Variants in SLC5A8 observed in about 807,000 individuals in gnomAD.
SLC5A8 encodes sodium-coupled monocarboxylate transporter 1.
SLC5A8 carries 55 observed loss-of-function variants against 71.9 expected under a neutral mutation model. The observed-to-expected ratio is 0.77, with a 90% CI of 0.62 to 0.96. The LOEUF is 0.96. Ranked by LOEUF, SLC5A8 falls within the 40% of genes least tolerant of loss-of-function variation. SLC5A8 has a pLI of 0.00. For synonymous variants in SLC5A8, 307 were observed against 276.1 expected, an observed-to-expected ratio of 1.11 and a Z score of -1.11; for missense variants, 701 against 745.3, an observed-to-expected ratio of 0.94 and a Z score of 0.69.
intron 9 of SLC5A8, 66 bp downstream of exon 9, chr12:101,182,737 G>T: frequency 8.5e-7 from 1 of 1,178,122 alleles, no homozygotes; most frequent in Non-Finnish European, 1.2e-6. Flanking sequence ...CAGTGGAAAA[G>T]AAATTTTTGT....
At position 101,158,951 on chromosome 12, in the gene SLC5A8, CA is replaced by C. The variant is rs34838052; in HGVS notation, c.1631-624del. Among the ~76,000 whole-genome samples, 331 of 116,654 alleles carry C rather than the reference CA, an allele frequency of 2.8e-3. 3 individuals carry two copies. Among genetic ancestry groups the C allele is most frequent in the East Asian group, 6.1e-3 (27 of 4,400 alleles). 76.5% of individuals were successfully genotyped at this position (116,654 alleles called of 152,430 possible). On this transcript the variant is annotated intron_variant, in intron 13 of 14. Coordinates refer to ENST00000536262, the MANE Select transcript of SLC5A8 (RefSeq NM_145913.5). Reference sequence around the variant, plus strand: ...ATCCTCTTCCCTAAGGTTTTCTTTACAAAAAAAAAAAAAAAAATTCTATTTT... The same window carrying C: ...ATCCTCTTCCCTAAGGTTTTCTTTACAAAAAAAAAAAAAAAATTCTATTTT...
intron 10 of SLC5A8, among the ~76,000 whole-genome samples, chr12:101,174,583 C>T (rs1023085200): frequency 3.3e-5 from 5 of 152,196 alleles, no homozygotes; most frequent in African/African-American, 1.2e-4. Flanking sequence ...TTTATGAAAG[C>T]TGCATCTGTG....
chr12:101,204,399 C>T, intron 2 of SLC5A8, 101 bp downstream of exon 2: 2 of 1,023,748 alleles, frequency 2.0e-6, no homozygotes, highest in Non-Finnish European at 2.9e-6. Flanking sequence ...TTCAACATCT[C>T]TTTTTTGTCT....
chr12:101,195,981 C>G (rs1342942081), intron 3 of SLC5A8, among the ~76,000 whole-genome samples: 1 of 152,116 alleles, frequency 6.6e-6, no homozygotes, highest in East Asian at 1.9e-4. Flanking sequence ...AAGCGTGAGC[C>G]ACCGCGCCTG....
chr12:101,178,113 T>C (rs575694489), intron 10 of SLC5A8, among the ~76,000 whole-genome samples: 110 of 152,110 alleles, frequency 7.2e-4, no homozygotes, highest in Non-Finnish European at 1.3e-3. Flanking sequence ...CATTTTAGCA[T>C]TGAACACATA....
intron 10 of SLC5A8, among the ~76,000 whole-genome samples, chr12:101,176,740 G>A (rs1056312621): frequency 1.3e-5 from 2 of 152,176 alleles, no homozygotes; most frequent in Middle Eastern, 3.4e-3. Context: ...TCAGCTGAAT[G>A]TAAACAAACA....
intron 13 of SLC5A8, among the ~76,000 whole-genome samples, chr12:101,158,590 CTCTCTCTCTA>C (rs1203559845): frequency 0.015 from 468 of 31,296 alleles, 1 homozygote; most frequent in Admixed American, 0.021. Flanking sequence ...CTCTCTCTCT[CTCTCTCTCTA>C]TATATATATA....
In SLC5A8 at chr12:101,156,584, T is replaced by C. The variant is rs1007960349; in HGVS notation, c.*695A>G. ...GGGCATGCAGATAAAAATTACAGTC[T>C]AAGAAAGGCAGTATCAGCAGCCAAA... On this transcript the variant is annotated 3_prime_UTR_variant, in exon 15 of 15. Coordinates refer to ENST00000536262, the MANE Select transcript of SLC5A8 (RefSeq NM_145913.5). 1 of 152,084 alleles carries C rather than the reference T, an allele frequency of 6.6e-6. No homozygotes were observed. Among genetic ancestry groups the C allele is most frequent in the Non-Finnish European group, 1.5e-5 (1 of 68,048 alleles). 9.4% of individuals were successfully genotyped at this position (152,084 alleles called of 1,614,324 possible).
intron 2 of SLC5A8, among the ~76,000 whole-genome samples, chr12:101,202,623 A>G (rs1008193202): frequency 6.6e-6 from 1 of 152,112 alleles, no homozygotes; most frequent in Non-Finnish European, 1.5e-5. Flanking sequence ...TGCATAATTA[A>G]TCAAGAAAAT....
chr12:101,176,459 C>T (rs578116865), intron 10 of SLC5A8, among the ~76,000 whole-genome samples: 1 of 152,000 alleles, frequency 6.6e-6, no homozygotes, highest in Non-Finnish European at 1.5e-5. Context: ...ATTTATGGAA[C>T]ACTCTACCTA....
At chr12:101,172,244 G>T (rs1214900349) in intron 10 of SLC5A8, among the ~76,000 whole-genome samples, 1 of 149,854 alleles carries the variant, frequency 6.7e-6, no homozygotes, top group East Asian at 2.0e-4. Flanking sequence ...ACCAGTAAAG[G>T]TCTTGCCAGG....
intron 10 of SLC5A8, among the ~76,000 whole-genome samples, chr12:101,179,715 G>A (rs899871745): frequency 6.6e-6 from 1 of 152,084 alleles, no homozygotes; most frequent in African/African-American, 2.4e-5. Context: ...TTTGTATCTT[G>A]GCTATATCAA....
rs751464562 is a variant in SLC5A8, at chr12:101,193,694, A to G, written c.623T>C (p.Val208Ala). 6.2e-7 allele frequency: 1 copy of G among 1,614,206 alleles called. No individual in the cohort carries two copies. Among genetic ancestry groups the G allele is most frequent in the Non-Finnish European group, 8.5e-7 (1 of 1,180,026 alleles). The part of the protein sequence containing the change: ...AGFASVIIQA[V>A]VMQGGISTIL... Reference sequence around the variant, plus strand: ...AGTGCTGATTCCACCTTGCATCACCACAGCCTGTATAATCACGGATGCAAA... The same window carrying G: ...AGTGCTGATTCCACCTTGCATCACCGCAGCCTGTATAATCACGGATGCAAA... Residue 208 changes from valine (V) to alanine (A), a missense_variant, in exon 5 of 15, where the codon GTG becomes GCG. By Grantham distance (64) the Val-to-Ala change is moderately conservative (BLOSUM62 0). Coordinates refer to ENST00000536262, the MANE Select transcript of SLC5A8 (RefSeq NM_145913.5).
chr12:101,195,555 CTGACAATATAA>C (rs1375820765), intron 3 of SLC5A8, among the ~76,000 whole-genome samples: 1 of 152,106 alleles, frequency 6.6e-6, no homozygotes, highest in Non-Finnish European at 1.5e-5. Flanking sequence ...ATGTATCATA[CTGACAATATAA>C]TGACAATATC....
chr12:101,177,570 C>G (rs184498872), intron 10 of SLC5A8, among the ~76,000 whole-genome samples: 2 of 151,860 alleles, frequency 1.3e-5, no homozygotes, highest in East Asian at 3.9e-4. Context: ...ACATATAATT[C>G]AGCAATATAT....
At chr12:101,175,793 C>T (rs1015808585) in intron 10 of SLC5A8, among the ~76,000 whole-genome samples, 1 of 151,932 alleles carries the variant, frequency 6.6e-6, no homozygotes, top group East Asian at 1.9e-4. Context: ...ATATACCCAA[C>T]AAAAATATCC....
At chr12:101,179,057 T>C (rs999486782) in intron 10 of SLC5A8, among the ~76,000 whole-genome samples, 2 of 152,162 alleles carry the variant, frequency 1.3e-5, no homozygotes, top group Non-Finnish European at 2.9e-5. Context: ...CTGAAAAACA[T>C]TTTCAACATC....
At chr12:101,198,405 A>C (rs188737392) in intron 3 of SLC5A8, among the ~76,000 whole-genome samples, 28 of 152,048 alleles carry the variant, frequency 1.8e-4, no homozygotes, top group Admixed American at 1.7e-3. Context: ...GATATATCAA[A>C]ATAAGAAGAT....
chr12:101,202,135 G>T, intron 3 of SLC5A8, 29 bp downstream of exon 3: 1 of 1,608,524 alleles, frequency 6.2e-7, no homozygotes, highest in Non-Finnish European at 8.5e-7. Flanking sequence ...CAAAATGTGA[G>T]TTACCTAACT....
Sources: allele counts gnomAD v4.1 joint callset (sites outside exome capture counted in the v4.1 genomes callset), GRCh38; gene constraint gnomAD v4.1.1; transcripts MANE v1.5; gene names NCBI Gene and HGNC (gene_info 2026-07-23, HGNC 2026-07-21).